Variants in DOCK10 observed in about 807,000 individuals in gnomAD.
The protein encoded by DOCK10 is dedicator of cytokinesis 10, also known as dedicator of cytokinesis protein 10.
Under a neutral mutation model 280.1 loss-of-function variants are expected in DOCK10, and 145 were observed. The observed-to-expected ratio is 0.52, with a 90% CI of 0.45 to 0.59. The LOEUF is 0.59. DOCK10 is among the 20% of genes least tolerant of loss of function. DOCK10 has a pLI of 0.00. For synonymous variants in DOCK10, 915 were observed against 942.2 expected (o/e 0.97, Z 0.53); for missense variants, 2,368 against 2,651.7 (o/e 0.89, Z 2.35).
chr2:224,894,750 G>T (rs1699886607), intron 4 of DOCK10, among the ~76,000 whole-genome samples: 1 of 152,050 alleles, frequency 6.6e-6, no homozygotes, highest in Non-Finnish European at 1.5e-5. Flanking sequence ...AGTTTAGAAG[G>T]GACATACTTT....
intron 3 of DOCK10, among the ~76,000 whole-genome samples, chr2:224,909,931 T>C (rs6746238): frequency 0.57 from 86,255 of 151,522 alleles, 25,328 homozygotes; most frequent in Non-Finnish European, 0.64. Context: ...TTAGTGAACT[T>C]CCATTAAAAT....
intron 1 of DOCK10, among the ~76,000 whole-genome samples, chr2:224,933,598 G>C (rs1702518810): frequency 6.6e-6 from 1 of 152,156 alleles, no homozygotes; most frequent in Non-Finnish European, 1.5e-5. Context: ...AAAATGTACA[G>C]TAAAACCCTT....
intron 51 of DOCK10, among the ~76,000 whole-genome samples, chr2:224,776,487 A>T (rs1449518350): frequency 6.6e-6 from 1 of 152,146 alleles, no homozygotes; most frequent in Non-Finnish European, 1.5e-5. Flanking sequence ...AGAGCCACTA[A>T]TAAAGTAGTT....
intron 7 of DOCK10, 86 bp from the exon 8 acceptor site, chr2:224,876,307 C>A: frequency 8.1e-7 from 1 of 1,234,304 alleles, no homozygotes; most frequent in Non-Finnish European, 1.1e-6. Context: ...CTTGAGGTTC[C>A]AAAAGTCTTT....
At chr2:224,897,759 T>C (rs1159111470) in intron 3 of DOCK10, among the ~76,000 whole-genome samples, 1 of 152,238 alleles carries the variant, frequency 6.6e-6, no homozygotes, top group Non-Finnish European at 1.5e-5. Context: ...TTAGAAACAT[T>C]AATGGCACAA....
chr2:224,972,468 T>C (rs375992736), intron 1 of DOCK10, among the ~76,000 whole-genome samples: 3 of 152,206 alleles, frequency 2.0e-5, no homozygotes, highest in East Asian at 1.9e-4. Flanking sequence ...TGAGTACCTA[T>C]TGGTAGAAGA....
At chr2:224,973,246 GC>G (rs370823574) in intron 1 of DOCK10, among the ~76,000 whole-genome samples, 2 of 152,144 alleles carry the variant, frequency 1.3e-5, no homozygotes, top group African/African-American at 4.8e-5. Context: ...CAGAACAACA[GC>G]CCCTTAACAA....
At chr2:225,000,347 C>T (rs1247840695) in intron 1 of DOCK10, among the ~76,000 whole-genome samples, 1 of 152,092 alleles carries the variant, frequency 6.6e-6, no homozygotes, top group African/African-American at 2.4e-5. Flanking sequence ...AGGAAAGAAC[C>T]GCTGGGGATC....
chr2:224,918,581 G>A (rs1044741147), intron 2 of DOCK10, among the ~76,000 whole-genome samples: 1 of 148,166 alleles, frequency 6.7e-6, no homozygotes, highest in Admixed American at 6.8e-5. Context: ...GTATGTGTAT[G>A]TGGTATGAGT....
At chr2:225,008,144 GTCT>G (rs1410448207) in intron 1 of DOCK10, among the ~76,000 whole-genome samples, 3 of 152,158 alleles carry the variant, frequency 2.0e-5, no homozygotes, top group East Asian at 1.9e-4. Context: ...CATGGGATTA[GTCT>G]TCTTGTCATT....
intron 26 of DOCK10, among the ~76,000 whole-genome samples, chr2:224,833,715 C>T (rs576463275): frequency 7.2e-5 from 11 of 152,136 alleles, no homozygotes; most frequent in South Asian, 4.2e-4. Flanking sequence ...GGCATGATCT[C>T]GGCTCACTGC....
At chr2:224,984,820 G>A (rs891033380) in intron 1 of DOCK10, among the ~76,000 whole-genome samples, 2 of 149,480 alleles carry the variant, frequency 1.3e-5, no homozygotes, top group African/African-American at 4.9e-5. Flanking sequence ...CCATGTTTCT[G>A]TCATATGACA....
chr2:225,035,587 T>TATATATTATATATATATATATAA (rs1553634969), intron 1 of DOCK10, among the ~76,000 whole-genome samples: 2 of 111,268 alleles, frequency 1.8e-5, no homozygotes, highest in African/African-American at 4.6e-5. Flanking sequence ...TATATATATA[T>TATATATTATATATATATATATAA]AACACTGAAT....
chr2:224,935,822 T>G (rs1412121946), intron 1 of DOCK10, among the ~76,000 whole-genome samples: 1 of 152,200 alleles, frequency 6.6e-6, no homozygotes, highest in Non-Finnish European at 1.5e-5. Flanking sequence ...TAACTATTTG[T>G]TAAATAAATA....
chr2:224,784,119 C>CT (rs1339815814), intron 50 of DOCK10, among the ~76,000 whole-genome samples: 12 of 152,172 alleles, frequency 7.9e-5, no homozygotes, highest in Non-Finnish European at 1.8e-4. Flanking sequence ...TTGCTCCTTT[C>CT]TCCATCTCTG....
rs980036315 is a variant in DOCK10 at position 224,805,582 on chromosome 2, C to A, written c.3815-53G>T. On this transcript the variant is annotated intron_variant, in intron 34 of 55. Transcript: ENST00000258390. This position sits in a 1 kb window ranked among gnomAD's most constrained non-coding sequence, Gnocchi z 4.3. ...TGGGAATGAGATGTATGGGCACACA[C>A]ACACAAAAGGTTCACATGATGAACC... 9.3e-6 allele frequency: 15 copies of A among 1,605,112 alleles called. No homozygotes were observed. The African/African-American group carries it at 9.4e-5, about 10-fold the overall frequency.
intron 1 of DOCK10, among the ~76,000 whole-genome samples, chr2:224,975,152 G>A (rs549226475): frequency 5.9e-5 from 9 of 152,152 alleles, no homozygotes; most frequent in South Asian, 4.1e-4. Context: ...GATACAGGGC[G>A]TAATTGGAGT....
At chr2:224,922,320 A>G (rs138358356) in intron 2 of DOCK10, among the ~76,000 whole-genome samples, 238 of 152,290 alleles carry the variant, frequency 1.6e-3, no homozygotes, top group Middle Eastern at 6.8e-3. Flanking sequence ...CTTTTCTGAG[A>G]ATCAGATGCT....
At chr2:224,794,736 T>C (rs1692436407) in intron 45 of DOCK10, 143 bp downstream of exon 45, 6 of 722,094 alleles carry the variant, frequency 8.3e-6, no homozygotes. Flanking sequence ...TGGAAATGTA[T>C]TGTATATGAT....
Sources: allele counts gnomAD v4.1 joint callset (sites outside exome capture counted in the v4.1 genomes callset), GRCh38; gene constraint gnomAD v4.1.1; non-coding constraint Gnocchi (gnomAD v3.1); transcripts MANE v1.5; gene names NCBI Gene and HGNC (gene_info 2026-07-23, HGNC 2026-07-21).